The following CAST variants were observed in gnomAD, a reference collection of about 807,000 sequenced individuals.
CAST encodes the protein calpastatin, also known as MIR583 host.
A neutral mutation model predicts 119.6 loss-of-function variants in CAST; 76 were observed. The observed-to-expected ratio is 0.64, with a 90% CI of 0.53 to 0.77. CAST has a LOEUF of 0.77. Among genes scored for constraint, CAST ranks in the 30% least tolerant of loss-of-function variants. CAST has a pLI of 0.00. For synonymous variants in CAST, 319 were observed against 331.6 expected (o/e 0.96, Z 0.41); for missense variants, 953 against 946.5 (o/e 1.01, Z -0.09).
intron 27 of CAST, 132 bp from the exon 28 acceptor site, chr5:96,767,306 T>G (rs1280557517): frequency 1.5e-6 from 1 of 649,798 alleles, no homozygotes; most frequent in Non-Finnish European, 2.7e-6. Flanking sequence ...GGACTCAGGT[T>G]TATTAGTTAT....
At chr5:96,484,110 T>C in the CAST span, among the ~76,000 whole-genome samples, 1 of 152,130 alleles carries the variant, frequency 6.6e-6, no homozygotes, top group Non-Finnish European at 1.5e-5. Flanking sequence ...GTAGCTGTCA[T>C]TGTGAGCATG....
At chr5:96,267,211 T>G in the CAST span, among the ~76,000 whole-genome samples, 1 of 152,146 alleles carries the variant, frequency 6.6e-6, no homozygotes, top group Non-Finnish European at 1.5e-5. Flanking sequence ...CTAAGAATTA[T>G]TGATGTTCAA....
chr5:96,595,257 C>G (rs1254855892), intron 1 of CAST, among the ~76,000 whole-genome samples: 1 of 152,146 alleles, frequency 6.6e-6, no homozygotes, highest in Admixed American at 6.5e-5. Context: ...AAACATGATT[C>G]CCCCATTGGC....
At chr5:96,257,332 G>A in the CAST span, among the ~76,000 whole-genome samples, 1 of 152,128 alleles carries the variant, frequency 6.6e-6, no homozygotes, top group African/African-American at 2.4e-5. Context: ...ACTCTATTGG[G>A]TTCTGATCAA....
the CAST span, among the ~76,000 whole-genome samples, chr5:96,381,642 T>A: frequency 1.3e-5 from 2 of 152,336 alleles, no homozygotes; most frequent in Admixed American, 6.5e-5. Flanking sequence ...TTCGCTCATG[T>A]GTGCCTGACT....
At chr5:96,648,497 A>G (rs1011424768) in intron 1 of CAST, among the ~76,000 whole-genome samples, 21 of 152,286 alleles carry the variant, frequency 1.4e-4, no homozygotes, top group African/African-American at 4.8e-4. Context: ...ATATCTGTAT[A>G]TTTAAGTTTC....
chr5:95,983,970 A>G, the CAST span, among the ~76,000 whole-genome samples: 1 of 152,170 alleles, frequency 6.6e-6, no homozygotes, highest in African/African-American at 2.4e-5. Flanking sequence ...AAAAATGTAG[A>G]TCCTAGGGGA....
intron 25 of CAST, among the ~76,000 whole-genome samples, chr5:96,763,413 T>C (rs991934298): frequency 6.6e-6 from 1 of 152,208 alleles, no homozygotes; most frequent in Non-Finnish European, 1.5e-5. Context: ...AAAGTCCCCA[T>C]GCAACAGAAA....
chr5:96,734,215 G>A (rs544123496), intron 9 of CAST, among the ~76,000 whole-genome samples: 1 of 152,208 alleles, frequency 6.6e-6, no homozygotes, highest in African/African-American at 2.4e-5. Context: ...TGGTGGGGCT[G>A]TAAGACCAGA....
chr5:96,309,982 A>G, the CAST span, among the ~76,000 whole-genome samples: 1 of 152,180 alleles, frequency 6.6e-6, no homozygotes, highest in Non-Finnish European at 1.5e-5. Context: ...AAGTGGTGAG[A>G]GTGAGCATGC....
chr5:96,750,316 C>G (rs1346329094), intron 19 of CAST, among the ~76,000 whole-genome samples: 1 of 152,102 alleles, frequency 6.6e-6, no homozygotes, highest in Non-Finnish European at 1.5e-5. Context: ...GATGTGGATA[C>G]TGTCATTGTT....
At chr5:96,133,327 C>T in the CAST span, among the ~76,000 whole-genome samples, 1 of 151,708 alleles carries the variant, frequency 6.6e-6, no homozygotes, top group Admixed American at 6.6e-5. Flanking sequence ...ATGAGTTTTC[C>T]TAGAAATGTT....
chr5:96,088,487 A>G, the CAST span, among the ~76,000 whole-genome samples: 1 of 152,196 alleles, frequency 6.6e-6, no homozygotes, highest in Non-Finnish European at 1.5e-5. Flanking sequence ...TAAGACAATG[A>G]GAGAATGTGT....
the CAST span, among the ~76,000 whole-genome samples, chr5:96,118,205 A>C: frequency 7.9e-5 from 12 of 151,432 alleles, no homozygotes; most frequent in Admixed American, 2.6e-4. Context: ...AAATCTCTTC[A>C]GCTGTAGTTT....
the CAST span, among the ~76,000 whole-genome samples, chr5:96,429,702 C>A: frequency 3.2e-4 from 49 of 152,192 alleles, no homozygotes; most frequent in African/African-American, 1.2e-3. Flanking sequence ...TGAGAACATG[C>A]GGTATTCGGT....
the CAST span, chr5:96,433,355 T>G: frequency 2.4e-6 from 1 of 413,146 alleles, no homozygotes; most frequent in Non-Finnish European, 4.6e-6. Context: ...CCGAATGGTA[T>G]TCCCGGCGGG....
At chr5:96,327,141 C>T in the CAST span, among the ~76,000 whole-genome samples, 1 of 152,256 alleles carries the variant, frequency 6.6e-6, no homozygotes, top group East Asian at 1.9e-4. Context: ...ATTTGACTTT[C>T]CTGAGTTTCA....
chr5:96,362,347 C>G, the CAST span, among the ~76,000 whole-genome samples: 4 of 152,156 alleles, frequency 2.6e-5, no homozygotes, highest in Admixed American at 2.6e-4. Context: ...GGGTATATCC[C>G]CAGTAATGGG....
chr5:96,409,690 G>T, the CAST span, among the ~76,000 whole-genome samples: 1 of 152,212 alleles, frequency 6.6e-6, no homozygotes, highest in Admixed American at 6.5e-5. Flanking sequence ...ACAGCCAGGG[G>T]CTCTGAAGAC....
Sources: allele counts gnomAD v4.1 joint callset (sites outside exome capture counted in the v4.1 genomes callset), GRCh38; gene constraint gnomAD v4.1.1; transcripts MANE v1.5; gene names NCBI Gene and HGNC (gene_info 2026-07-23, HGNC 2026-07-21).